Variants in VCF1 observed in about 807,000 individuals in gnomAD.
The protein encoded by VCF1 is protein VCF1.
chr17:73,227,014 G>C, the VCF1 span: 19 of 539,544 alleles, frequency 3.5e-5, no homozygotes, highest in Non-Finnish European at 5.0e-5. Context: ...CTTCCTCAAA[G>C]GGACCCTGAT....
the VCF1 span, among the ~76,000 whole-genome samples, chr17:73,228,306 A>G: frequency 6.6e-6 from 1 of 152,266 alleles, no homozygotes; most frequent in Non-Finnish European, 1.5e-5. Context: ...GTGGACACAC[A>G]GCTCTTGGAA....
chr17:73,229,816 C>T, the VCF1 span, among the ~76,000 whole-genome samples: 73,511 of 137,630 alleles, frequency 0.53, 18,964 homozygotes, highest in Middle Eastern at 0.62. Flanking sequence ...TGCAGTGTGC[C>T]GAGATCGCAC....
chr17:73,214,165 T>A, the VCF1 span, among the ~76,000 whole-genome samples: 1 of 152,170 alleles, frequency 6.6e-6, no homozygotes, highest in South Asian at 2.1e-4. Flanking sequence ...AGTGTTAAAC[T>A]ACTGAGGCTT....
the VCF1 span, chr17:73,208,945 T>G: frequency 3.9e-6 from 1 of 253,740 alleles, no homozygotes; most frequent in African/African-American, 2.3e-5. Context: ...TATTAGGGAG[T>G]GTGCTTCACT....
the VCF1 span, chr17:73,227,310 G>A: frequency 6.9e-6 from 10 of 1,455,198 alleles, no homozygotes; most frequent in East Asian, 2.4e-5. Context: ...CCAAACAACC[G>A]ATGTTTTGGA....
At chr17:73,220,492 T>A in the VCF1 span, among the ~76,000 whole-genome samples, 1 of 152,162 alleles carries the variant, frequency 6.6e-6, no homozygotes, top group Non-Finnish European at 1.5e-5. Context: ...TCACCCAGGC[T>A]GGAGTGCGGT....
At chr17:73,209,544 C>A in the VCF1 span, 1 of 1,585,714 alleles carries the variant, frequency 6.3e-7, no homozygotes, top group East Asian at 2.3e-5. Flanking sequence ...TCAGAGGCCG[C>A]CCTCGGTGCT....
chr17:73,217,719 C>CGAGGCAGGTGGATTGCCT, the VCF1 span, among the ~76,000 whole-genome samples: 4 of 151,898 alleles, frequency 2.6e-5, no homozygotes, highest in Admixed American at 6.6e-5. Context: ...TTTGGGAGGC[C>CGAGGCAGGTGGATTGCCT]GAGGCAGGTG....
chr17:73,207,700 A>G, the VCF1 span: 1 of 1,292,482 alleles, frequency 7.7e-7, no homozygotes, highest in Non-Finnish European at 1.0e-6. Flanking sequence ...GTTTCATTTC[A>G]GTACGATGCC....
chr17:73,227,048 G>T, the VCF1 span: 1 of 772,666 alleles, frequency 1.3e-6, no homozygotes, highest in Non-Finnish European at 2.0e-6. Flanking sequence ...GGTTAAACCA[G>T]TATAATCAAC....
chr17:73,211,737 G>C, the VCF1 span, among the ~76,000 whole-genome samples: 1 of 151,912 alleles, frequency 6.6e-6, no homozygotes, highest in Non-Finnish European at 1.5e-5. Flanking sequence ...GTGTGTGCCT[G>C]TGGTCCCAGC....
the VCF1 span, chr17:73,208,669 A>C: frequency 5.0e-6 from 3 of 603,324 alleles, no homozygotes; most frequent in East Asian, 8.8e-5. Context: ...CAGGTAGCTT[A>C]CATTTTATCA....
the VCF1 span, among the ~76,000 whole-genome samples, chr17:73,224,174 C>T: frequency 7.1e-6 from 1 of 141,332 alleles, no homozygotes; most frequent in African/African-American, 2.6e-5. Flanking sequence ...GTCTGTAATC[C>T]CAGCATTTTG....
At chr17:73,216,925 C>T in the VCF1 span, among the ~76,000 whole-genome samples, 3 of 152,276 alleles carry the variant, frequency 2.0e-5, no homozygotes, top group South Asian at 4.1e-4. Context: ...TACTAATAAC[C>T]TTAAGAAAGC....
At chr17:73,217,111 G>C in the VCF1 span, among the ~76,000 whole-genome samples, 4 of 151,974 alleles carry the variant, frequency 2.6e-5, no homozygotes, top group African/African-American at 9.7e-5. Flanking sequence ...GGGTGGATCA[G>C]TTGAGGCCAG....
the VCF1 span, among the ~76,000 whole-genome samples, chr17:73,215,551 A>G: frequency 6.6e-6 from 1 of 152,174 alleles, no homozygotes; most frequent in Non-Finnish European, 1.5e-5. Flanking sequence ...TAGGATTACA[A>G]GTGTAAGCCA....
the VCF1 span, among the ~76,000 whole-genome samples, chr17:73,221,190 C>A: frequency 0.3 from 12 of 40 alleles, 1 homozygote; most frequent in African/African-American, 0.55. Flanking sequence ...AGCCACCGGG[C>A]CCCAGCCAAA....
chr17:73,232,253 C>T, the VCF1 span: 2 of 1,611,434 alleles, frequency 1.2e-6, no homozygotes, highest in Admixed American at 1.7e-5. Context: ...GCGAGTACCC[C>T]TCAGTCGGAC....
the VCF1 span, among the ~76,000 whole-genome samples, chr17:73,210,135 A>G: frequency 3.3e-5 from 5 of 152,214 alleles, no homozygotes; most frequent in Non-Finnish European, 7.3e-5. Flanking sequence ...CAAAGAAGGC[A>G]GTTCTCAGCC....
Sources: gnomAD v4.1 joint callset for allele counts (sites outside exome capture counted in the v4.1 genomes callset) on GRCh38, gnomAD v4.1.1 for gene constraint, MANE v1.5 for transcripts, NCBI Gene and HGNC (gene_info 2026-07-23, HGNC 2026-07-21) for gene names.